Variants in USP50 observed in about 807,000 individuals in gnomAD.
USP50 encodes ubiquitin carboxyl-terminal hydrolase 50.
A neutral mutation model predicts 39.2 loss-of-function variants in USP50; 37 were observed. That is an observed-to-expected ratio of 0.94 (90% CI 0.73 to 1.24). The LOEUF is 1.24. Ranked by LOEUF, USP50 falls within the 50% of genes most tolerant of loss-of-function variation. The pLI is 0.00. For missense variants in USP50, 374 were observed against 398.2 expected (o/e 0.94, Z 0.52); for synonymous variants, 139 against 144.5 (o/e 0.96, Z 0.27).
chr15:50,497,635 G>C (rs986902966), downstream of USP50: 1 of 152,476 alleles, frequency 6.6e-6, no homozygotes, highest in Admixed American at 6.5e-5. Flanking sequence ...ATATGTTAAC[G>C]ATACCATTAA....
At chr15:50,495,990 T>C, downstream of USP50, 1 of 1,614,004 alleles carries the variant, frequency 6.2e-7, no homozygotes. Flanking sequence ...AAATCTACAG[T>C]ACAGTGCCTC....
intron 6 of USP50, chr15:50,501,836 T>A (rs982236840): frequency 2.6e-5 from 4 of 152,284 alleles, no homozygotes; most frequent in Admixed American, 6.5e-5. Flanking sequence ...TAAATTTTTA[T>A]ATGGTTGGGG....
At chr15:50,513,037 A>G (rs1448725964) in intron 6 of USP50, 1 of 152,246 alleles carries the variant, frequency 6.6e-6, no homozygotes, top group Non-Finnish European at 1.5e-5. Context: ...AAAAATGTGC[A>G]AAAGACAAAT....
At chr15:50,515,791 A>C (rs1271625677) in intron 6 of USP50, among the ~76,000 whole-genome samples, 2 of 152,106 alleles carry the variant, frequency 1.3e-5, no homozygotes, top group Non-Finnish European at 2.9e-5. Context: ...AAACATACAT[A>C]TGCATACACA....
At chr15:50,496,670 C>T (rs1444791755), downstream of USP50, among the ~76,000 whole-genome samples, 1 of 152,084 alleles carries the variant, frequency 6.6e-6, no homozygotes, top group Non-Finnish European at 1.5e-5. Context: ...GGAAAGTTGT[C>T]TGTTGACTAA....
At chr15:50,526,220 T>G (rs3109883) in intron 6 of USP50, among the ~76,000 whole-genome samples, 85,752 of 151,900 alleles carry the variant, frequency 0.56, 24,296 homozygotes, top group Admixed American at 0.62. Context: ...CACCATGCTC[T>G]GCTAACTTCT....
intron 5 of USP50, among the ~76,000 whole-genome samples, chr15:50,535,370 G>A (rs1186502587): frequency 1.3e-5 from 2 of 152,142 alleles, no homozygotes; most frequent in Non-Finnish European, 2.9e-5. Context: ...TTATTCTCAA[G>A]CTCACATGGA....
At chr15:50,523,880 T>C (rs1486186468) in intron 6 of USP50, among the ~76,000 whole-genome samples, 1 of 152,200 alleles carries the variant, frequency 6.6e-6, no homozygotes, top group Non-Finnish European at 1.5e-5. Flanking sequence ...TTTCAAAATA[T>C]GTTATTACAT....
chr15:50,493,227 C>T (rs2052247473), downstream of USP50: 2 of 507,250 alleles, frequency 3.9e-6, no homozygotes, highest in African/African-American at 1.9e-5. Context: ...GCCTTATCAC[C>T]TCTTTAAAGG....
At chr15:50,526,469 A>G (rs1214428006) in intron 6 of USP50, among the ~76,000 whole-genome samples, 1 of 152,204 alleles carries the variant, frequency 6.6e-6, no homozygotes, top group Non-Finnish European at 1.5e-5. Context: ...CTAGAAACCA[A>G]TGATTTGAGG....
At chr15:50,544,436 T>G in intron 2 of USP50, 151 bp downstream of exon 2, 1 of 582,144 alleles carries the variant, frequency 1.7e-6, no homozygotes, top group Non-Finnish European at 2.8e-6. Context: ...CCTTCCCACT[T>G]TTACTTACTC....
At chr15:50,499,533 A>C (rs2052537683), downstream of USP50, 5 of 152,408 alleles carry the variant, frequency 3.3e-5, no homozygotes, top group Admixed American at 3.3e-4. Context: ...ATCGATGTAC[A>C]TAGTTTAACA....
At chr15:50,493,139 A>G, downstream of USP50, 1 of 616,860 alleles carries the variant, frequency 1.6e-6, no homozygotes, top group Non-Finnish European at 3.0e-6. Flanking sequence ...TAGAAGGTGG[A>G]AGCGAAAGAG....
At chr15:50,503,184 C>T (rs112528453) in intron 6 of USP50, 1 of 152,168 alleles carries the variant, frequency 6.6e-6, no homozygotes, top group Non-Finnish European at 1.5e-5. Context: ...TCCATCTCTT[C>T]TAAAAATATA....
intron 5 of USP50, among the ~76,000 whole-genome samples, chr15:50,534,119 T>C (rs1480683549): frequency 6.6e-6 from 1 of 152,208 alleles, no homozygotes; most frequent in Non-Finnish European, 1.5e-5. Context: ...TGAAAACTTT[T>C]ATTTTTCTTA....
At chr15:50,511,174 C>T (rs1185112494) in intron 6 of USP50, 2 of 152,150 alleles carry the variant, frequency 1.3e-5, no homozygotes, top group Non-Finnish European at 2.9e-5. Context: ...TGAAAAGATG[C>T]TCAACATCAT....
At chr15:50,515,236 TTTG>T (rs1175969992) in intron 6 of USP50, among the ~76,000 whole-genome samples, 1 of 151,658 alleles carries the variant, frequency 6.6e-6, no homozygotes. Context: ...AGGCTTGTGT[TTTG>T]TTGTTGTTGT....
intron 6 of USP50, chr15:50,503,676 T>C (rs1359015135): frequency 6.6e-6 from 1 of 152,232 alleles, no homozygotes; most frequent in African/African-American, 2.4e-5. Context: ...TTCAAATTTA[T>C]ACTACCTGTG....
At chr15:50,530,554 A>G (rs967129993) in intron 5 of USP50, among the ~76,000 whole-genome samples, 3 of 152,178 alleles carry the variant, frequency 2.0e-5, no homozygotes, top group Non-Finnish European at 2.9e-5. Flanking sequence ...ACTGCACTCC[A>G]GCCTGGGTGA....
Sources: allele counts gnomAD v4.1 joint callset (sites outside exome capture counted in the v4.1 genomes callset), GRCh38; gene constraint gnomAD v4.1.1; transcripts MANE v1.5; gene names NCBI Gene and HGNC (gene_info 2026-07-23, HGNC 2026-07-21).